The following LRRC4C variants were observed in gnomAD, a reference collection of about 807,000 sequenced individuals.
LRRC4C encodes leucine rich repeat containing 4C, also known as leucine-rich repeat-containing protein 4C.
LRRC4C carries 5 observed loss-of-function variants against 33.6 expected under a neutral mutation model. That is an observed-to-expected ratio of 0.15 (90% confidence interval 0.08 to 0.31). LRRC4C has a LOEUF of 0.31. Ranked by LOEUF, LRRC4C falls within the 10% of genes least tolerant of loss-of-function variation. LRRC4C has a pLI of 1.00. For missense variants in LRRC4C, 560 were observed against 796.7 expected (o/e 0.70, Z 3.58); for synonymous variants, 329 against 302.0 (o/e 1.09, Z -0.93).
At chr11:41,002,975 T>C (rs952697056) in intron 1 of LRRC4C, among the ~76,000 whole-genome samples, 1 of 152,208 alleles carries the variant, frequency 6.6e-6, no homozygotes, top group African/African-American at 2.4e-5. Context: ...ACATTATACA[T>C]GTGTAATATT....
intron 1 of LRRC4C, among the ~76,000 whole-genome samples, chr11:41,396,612 A>T (rs540164668): frequency 1.3e-3 from 201 of 152,082 alleles, no homozygotes; most frequent in African/African-American, 4.6e-3. Context: ...TAGTTTTTTA[A>T]CTTTTATTTT....
intron 2 of LRRC4C, among the ~76,000 whole-genome samples, chr11:40,865,529 AT>A (rs1954320659): frequency 4.0e-5 from 6 of 151,186 alleles, no homozygotes; most frequent in Non-Finnish European, 8.8e-5. Context: ...ATATATATAT[AT>A]ATAATTTCAA....
chr11:40,439,032 G>A (rs191039193), intron 3 of LRRC4C, among the ~76,000 whole-genome samples: 2 of 146,298 alleles, frequency 1.4e-5, no homozygotes, highest in African/African-American at 2.5e-5. Flanking sequence ...CCGGGTTCAC[G>A]CCATTCTCCT....
At chr11:40,206,471 A>G (rs986801471) in intron 5 of LRRC4C, among the ~76,000 whole-genome samples, 4 of 151,928 alleles carry the variant, frequency 2.6e-5, no homozygotes, top group Non-Finnish European at 5.9e-5. Flanking sequence ...GAAACTCCTG[A>G]CCTTAAATGA....
At chr11:41,174,103 C>T (rs185900918) in intron 1 of LRRC4C, among the ~76,000 whole-genome samples, 115 of 152,006 alleles carry the variant, frequency 7.6e-4, no homozygotes, top group African/African-American at 2.7e-3. Flanking sequence ...TTTGTGATAC[C>T]TATGCTAGGC....
intron 1 of LRRC4C, among the ~76,000 whole-genome samples, chr11:41,385,181 C>A (rs1295465020): frequency 6.6e-6 from 1 of 151,058 alleles, no homozygotes; most frequent in Non-Finnish European, 1.5e-5. Flanking sequence ...TCTCTCGACC[C>A]TCTGTCAGTA....
At chr11:41,007,923 A>G (rs1274745306) in intron 1 of LRRC4C, among the ~76,000 whole-genome samples, 1 of 152,132 alleles carries the variant, frequency 6.6e-6, no homozygotes, top group Non-Finnish European at 1.5e-5. Context: ...AATAATTAGC[A>G]GCACTATCCA....
chr11:40,786,821 A>G (rs1407701101), intron 2 of LRRC4C, among the ~76,000 whole-genome samples: 1 of 152,136 alleles, frequency 6.6e-6, no homozygotes, highest in Non-Finnish European at 1.5e-5. Context: ...ATGTAACTAC[A>G]GTACAAGTTC....
chr11:40,555,836 G>A (rs1418018597), intron 3 of LRRC4C, among the ~76,000 whole-genome samples: 2 of 152,148 alleles, frequency 1.3e-5, no homozygotes, highest in African/African-American at 4.8e-5. Flanking sequence ...ATTTGATTGG[G>A]TTCTGGCAAT....
intron 1 of LRRC4C, among the ~76,000 whole-genome samples, chr11:41,225,129 G>T (rs1010543084): frequency 6.6e-6 from 1 of 152,094 alleles, no homozygotes; most frequent in Non-Finnish European, 1.5e-5. Context: ...CCAGAGGTTG[G>T]GGAGGCCGGG....
At chr11:40,194,925 T>TAAA (rs58375395) in intron 5 of LRRC4C, among the ~76,000 whole-genome samples, 1 of 149,516 alleles carries the variant, frequency 6.7e-6, no homozygotes, top group Admixed American at 6.7e-5. Flanking sequence ...CGTTTCTACT[T>TAAA]AAAAAAAAAC....
chr11:40,362,749 A>G (rs563175820), intron 3 of LRRC4C, among the ~76,000 whole-genome samples: 21 of 152,194 alleles, frequency 1.4e-4, no homozygotes, highest in African/African-American at 4.8e-4. Context: ...ATAAATCGTG[A>G]GAAAAGGACA....
intron 1 of LRRC4C, among the ~76,000 whole-genome samples, chr11:41,211,749 G>A (rs895256955): frequency 6.6e-6 from 1 of 152,098 alleles, no homozygotes; most frequent in Non-Finnish European, 1.5e-5. Flanking sequence ...ATTTGGGTTG[G>A]TTCCAAGTCT....
At chr11:41,319,525 G>T (rs540182272) in intron 1 of LRRC4C, among the ~76,000 whole-genome samples, 1 of 151,958 alleles carries the variant, frequency 6.6e-6, no homozygotes, top group Non-Finnish European at 1.5e-5. Context: ...GCCAACTAAG[G>T]TTTTGTTTGT....
chr11:40,615,282 A>T (rs148889294), intron 3 of LRRC4C, among the ~76,000 whole-genome samples: 1 of 148,336 alleles, frequency 6.7e-6, no homozygotes, highest in Admixed American at 6.8e-5. Context: ...ACACACACAT[A>T]TGTATATTCA....
chr11:40,895,420 T>C (rs1221865953), intron 2 of LRRC4C, among the ~76,000 whole-genome samples: 1 of 152,004 alleles, frequency 6.6e-6, no homozygotes, highest in Non-Finnish European at 1.5e-5. Flanking sequence ...CACAGAAACA[T>C]TATAGTAACA....
intron 1 of LRRC4C, among the ~76,000 whole-genome samples, chr11:41,099,913 T>C (rs527394652): frequency 2.6e-5 from 4 of 152,290 alleles, no homozygotes; most frequent in African/African-American, 7.2e-5. Context: ...TCTTTGTAGA[T>C]GACATAATTC....
At chr11:40,441,759 G>A (rs1951405660) in intron 3 of LRRC4C, among the ~76,000 whole-genome samples, 1 of 152,192 alleles carries the variant, frequency 6.6e-6, no homozygotes, top group African/African-American at 2.4e-5. Context: ...TTGCTGTGAA[G>A]ATCATGTAAG....
chr11:41,378,396 G>A (rs969926877), intron 1 of LRRC4C, among the ~76,000 whole-genome samples: 20 of 152,072 alleles, frequency 1.3e-4, no homozygotes, highest in Non-Finnish European at 2.5e-4. Flanking sequence ...AAATAGCCCT[G>A]TTCCACAAGG....
Sources: gnomAD v4.1 joint callset for allele counts (sites outside exome capture counted in the v4.1 genomes callset) on GRCh38, gnomAD v4.1.1 for gene constraint, MANE v1.5 for transcripts, NCBI Gene and HGNC (gene_info 2026-07-23, HGNC 2026-07-21) for gene names.